The following RORA variants were observed in gnomAD, a reference collection of about 807,000 sequenced individuals.
RORA encodes the protein RAR related orphan receptor A.
In RORA, 7 loss-of-function variants were observed where a neutral mutation model predicts 69.5. That is an observed-to-expected ratio of 0.10 (90% CI 0.06 to 0.19). RORA has a LOEUF of 0.19. RORA is among the 10% of genes least tolerant of loss of function. RORA has a pLI of 1.00. For synonymous variants in RORA, 261 were observed against 240.8 expected, an observed-to-expected ratio of 1.08 and a Z score of -0.78; for missense variants, 457 against 663.0, an observed-to-expected ratio of 0.69 and a Z score of 3.41.
intron 1 of RORA, among the ~76,000 whole-genome samples, chr15:60,933,160 TA>T (rs1892423166): frequency 6.6e-6 from 1 of 152,200 alleles, no homozygotes; most frequent in Admixed American, 6.5e-5. Context: ...AATTGTCCTC[TA>T]GTGCCATGAT....
intron 3 of RORA, among the ~76,000 whole-genome samples, chr15:60,523,967 A>G (rs2066262475): frequency 6.6e-6 from 1 of 152,228 alleles, no homozygotes; most frequent in Non-Finnish European, 1.5e-5. Flanking sequence ...GAGCCACTGC[A>G]CCCGACCTAG....
intron 1 of RORA, among the ~76,000 whole-genome samples, chr15:61,046,412 G>T (rs1897027597): frequency 6.6e-6 from 1 of 152,088 alleles, no homozygotes; most frequent in East Asian, 1.9e-4. Flanking sequence ...CAGCCAGCAG[G>T]TTTCTATTAG....
chr15:61,011,942 T>A (rs1895100101), intron 1 of RORA, among the ~76,000 whole-genome samples: 1 of 152,308 alleles, frequency 6.6e-6, no homozygotes, highest in East Asian at 1.9e-4. Context: ...TACATCTCTA[T>A]CAAAGAAACA....
chr15:60,887,982 CG>C (rs1197819330), intron 1 of RORA, among the ~76,000 whole-genome samples: 1 of 152,140 alleles, frequency 6.6e-6, no homozygotes, highest in African/African-American at 2.4e-5. Context: ...AAAATTAGCC[CG>C]ACTTAGCCAA....
At chr15:60,500,365 A>C (rs2065293083) in intron 9 of RORA, among the ~76,000 whole-genome samples, 1 of 152,226 alleles carries the variant, frequency 6.6e-6, no homozygotes, top group South Asian at 2.1e-4. Context: ...CGATCCTGCT[A>C]GCTTTTTTGA....
chr15:60,933,121 A>G (rs1378533085), intron 1 of RORA, among the ~76,000 whole-genome samples: 4 of 152,026 alleles, frequency 2.6e-5, no homozygotes, highest in Non-Finnish European at 5.9e-5. Context: ...GGCCTCAAGT[A>G]TTACCCATCC....
At chr15:60,519,599 G>A (rs569160150) in intron 3 of RORA, among the ~76,000 whole-genome samples, 1 of 152,294 alleles carries the variant, frequency 6.6e-6, no homozygotes, top group South Asian at 2.1e-4. Context: ...AGTAGCAAGA[G>A]CAATCTACTC....
intron 2 of RORA, among the ~76,000 whole-genome samples, chr15:60,626,359 T>C (rs958469831): frequency 6.6e-6 from 1 of 152,168 alleles, no homozygotes; most frequent in African/African-American, 2.4e-5. Context: ...TGACCAGGGA[T>C]CGTTTTGAAA....
chr15:60,738,125 C>T (rs976733758), intron 1 of RORA, among the ~76,000 whole-genome samples: 1 of 152,190 alleles, frequency 6.6e-6, no homozygotes, highest in African/African-American at 2.4e-5. Context: ...GTGAAGCAAG[C>T]AGTTCCACAA....
At chr15:60,591,982 G>C (rs948910640) in intron 2 of RORA, among the ~76,000 whole-genome samples, 2 of 151,958 alleles carry the variant, frequency 1.3e-5, no homozygotes, top group Non-Finnish European at 2.9e-5. Flanking sequence ...GGCCGGAGCT[G>C]TCCCGGGTGC....
At chr15:61,011,215 C>T (rs1301835950) in intron 1 of RORA, among the ~76,000 whole-genome samples, 1 of 152,140 alleles carries the variant, frequency 6.6e-6, no homozygotes, top group Non-Finnish European at 1.5e-5. Context: ...TTTTCCTCCA[C>T]CATCTGCATC....
intron 1 of RORA, among the ~76,000 whole-genome samples, chr15:61,024,507 G>A (rs1344411058): frequency 6.7e-6 from 1 of 150,140 alleles, no homozygotes; most frequent in Admixed American, 6.7e-5. Flanking sequence ...GGAGGGGGCA[G>A]TGGCATGATC....
At chr15:60,836,181 G>A (rs943154606) in intron 1 of RORA, among the ~76,000 whole-genome samples, 5 of 152,202 alleles carry the variant, frequency 3.3e-5, no homozygotes, top group South Asian at 2.1e-4. Flanking sequence ...ATGTGCTGGC[G>A]TAAATGTCAT....
At chr15:60,820,508 C>T (rs562042341) in intron 1 of RORA, among the ~76,000 whole-genome samples, 1 of 152,166 alleles carries the variant, frequency 6.6e-6, no homozygotes, top group South Asian at 2.1e-4. Flanking sequence ...ATGAGGCCTG[C>T]ATTGCGTGAA....
chr15:61,105,233 G>C (rs2078935827), intron 1 of RORA, among the ~76,000 whole-genome samples: 1 of 151,980 alleles, frequency 6.6e-6, no homozygotes, highest in Non-Finnish European at 1.5e-5. Flanking sequence ...TTCCATACTT[G>C]GGTATTATAT....
chr15:60,696,565 A>G (rs2070909046), intron 1 of RORA, among the ~76,000 whole-genome samples: 1 of 151,986 alleles, frequency 6.6e-6, no homozygotes, highest in African/African-American at 2.4e-5. Flanking sequence ...CCGCACCACC[A>G]CATCACCACA....
chr15:60,793,185 C>A (rs373064107), intron 1 of RORA, among the ~76,000 whole-genome samples: 190 of 152,272 alleles, frequency 1.2e-3, no homozygotes, highest in African/African-American at 4.3e-3. Flanking sequence ...TTGGCCTGAA[C>A]ATACTGTGAT....
intron 1 of RORA, among the ~76,000 whole-genome samples, chr15:61,100,221 C>T (rs1316343176): frequency 1.3e-5 from 2 of 150,846 alleles, no homozygotes; most frequent in Admixed American, 6.6e-5. Flanking sequence ...CGGGTTCCAG[C>T]GATTCTCCTG....
At chr15:60,714,557 G>T (rs2071194642) in intron 1 of RORA, among the ~76,000 whole-genome samples, 1 of 150,822 alleles carries the variant, frequency 6.6e-6, no homozygotes, top group Non-Finnish European at 1.5e-5. Context: ...TAGAGATGGG[G>T]TTTCACCATA....
Sources: allele counts gnomAD v4.1 joint callset (sites outside exome capture counted in the v4.1 genomes callset), GRCh38; gene constraint gnomAD v4.1.1; transcripts MANE v1.5; gene names NCBI Gene and HGNC (gene_info 2026-07-23, HGNC 2026-07-21).